Variants in CATSPERT observed in about 807,000 individuals in gnomAD.
CATSPERT encodes the protein catsper channel auxiliary subunit tau, also known as cation channel sperm-associated targeting subunit tau.
the CATSPERT span, among the ~76,000 whole-genome samples, chr2:201,519,756 A>C: frequency 6.6e-6 from 1 of 152,206 alleles, no homozygotes; most frequent in Non-Finnish European, 1.5e-5. Flanking sequence ...ACCAAGCAGA[A>C]TAAAAAATTT....
At chr2:201,567,953 G>A in the CATSPERT span, among the ~76,000 whole-genome samples, 1 of 152,138 alleles carries the variant, frequency 6.6e-6, no homozygotes, top group Admixed American at 6.6e-5. Context: ...CTCAAAACTG[G>A]CAGCTTTTTG....
the CATSPERT span, among the ~76,000 whole-genome samples, chr2:201,498,075 G>A: frequency 2.0e-5 from 3 of 152,280 alleles, no homozygotes; most frequent in Non-Finnish European, 4.4e-5. Context: ...TTCCAAGTCA[G>A]TGTATTAATC....
chr2:201,579,957 C>T, the CATSPERT span, among the ~76,000 whole-genome samples: 318 of 151,478 alleles, frequency 2.1e-3, no homozygotes, highest in African/African-American at 7.3e-3. Flanking sequence ...GCTCAATCGA[C>T]CCTTCTGCCT....
the CATSPERT span, among the ~76,000 whole-genome samples, chr2:201,504,187 C>T: frequency 6.6e-6 from 1 of 152,190 alleles, no homozygotes; most frequent in Admixed American, 6.5e-5. Flanking sequence ...TCGCCTCTGT[C>T]TGCTAAATTT....
At chr2:201,490,641 G>T in the CATSPERT span, among the ~76,000 whole-genome samples, 1 of 152,136 alleles carries the variant, frequency 6.6e-6, no homozygotes, top group African/African-American at 2.4e-5. Flanking sequence ...TTCATAAAAA[G>T]GTAGTAGGTG....
the CATSPERT span, among the ~76,000 whole-genome samples, chr2:201,579,304 A>G: frequency 1.3e-5 from 2 of 151,952 alleles, no homozygotes; most frequent in African/African-American, 4.8e-5. Context: ...CAGTGGTGCA[A>G]TCATGGCTCA....
At chr2:201,535,123 T>G in the CATSPERT span, 1 of 980,854 alleles carries the variant, frequency 1.0e-6, no homozygotes, top group Non-Finnish European at 1.2e-6. Context: ...AAGAATGTTA[T>G]TTGACATAGG....
chr2:201,618,972 G>GT, the CATSPERT span: 2 of 1,614,004 alleles, frequency 1.2e-6, no homozygotes, highest in Non-Finnish European at 1.7e-6. Context: ...GGTTCAGGGC[G>GT]TAAGGGACCG....
At chr2:201,579,541 C>T in the CATSPERT span, among the ~76,000 whole-genome samples, 62 of 152,284 alleles carry the variant, frequency 4.1e-4, 1 homozygote, top group South Asian at 6.2e-4. Context: ...CCCTCAGCCT[C>T]CCAAAGTCCT....
the CATSPERT span, among the ~76,000 whole-genome samples, chr2:201,527,698 C>A: frequency 6.6e-6 from 1 of 152,084 alleles, no homozygotes; most frequent in Non-Finnish European, 1.5e-5. Context: ...GGATAACTTG[C>A]TAGCCACATG....
At chr2:201,540,302 T>C in the CATSPERT span, among the ~76,000 whole-genome samples, 2 of 152,192 alleles carry the variant, frequency 1.3e-5, no homozygotes, top group Non-Finnish European at 2.9e-5. Context: ...CTACACTAAA[T>C]AGGTTTTTAT....
At chr2:201,562,670 C>T in the CATSPERT span, among the ~76,000 whole-genome samples, 6 of 145,592 alleles carry the variant, frequency 4.1e-5, no homozygotes, top group East Asian at 1.2e-3. Flanking sequence ...CAGCCTTCCG[C>T]AGCGTTTGTG....
At chr2:201,590,142 C>A in the CATSPERT span, among the ~76,000 whole-genome samples, 10 of 151,738 alleles carry the variant, frequency 6.6e-5, no homozygotes, top group African/African-American at 2.2e-4. Context: ...CTCCTCCCCC[C>A]ACCCCACAAC....
At chr2:201,563,931 C>T in the CATSPERT span, among the ~76,000 whole-genome samples, 1 of 152,192 alleles carries the variant, frequency 6.6e-6, no homozygotes, top group Non-Finnish European at 1.5e-5. Flanking sequence ...ATTTTTCCTT[C>T]AAGGCATTTA....
At chr2:201,569,533 C>T in the CATSPERT span, among the ~76,000 whole-genome samples, 1 of 152,178 alleles carries the variant, frequency 6.6e-6, no homozygotes, top group African/African-American at 2.4e-5. Flanking sequence ...CCAATTACTC[C>T]CATTGCATTT....
At chr2:201,571,127 CAT>C in the CATSPERT span, among the ~76,000 whole-genome samples, 1 of 152,302 alleles carries the variant, frequency 6.6e-6, no homozygotes, top group East Asian at 1.9e-4. Flanking sequence ...ATATAGCAGA[CAT>C]TCAATAAATG....
At chr2:201,617,302 G>A in the CATSPERT span, among the ~76,000 whole-genome samples, 53 of 152,152 alleles carry the variant, frequency 3.5e-4, 2 homozygotes, top group East Asian at 6.9e-3. Flanking sequence ...TTCTGACTTC[G>A]AACTATACTA....
the CATSPERT span, among the ~76,000 whole-genome samples, chr2:201,588,113 T>G: frequency 2.0e-5 from 3 of 151,982 alleles, no homozygotes; most frequent in African/African-American, 7.3e-5. Flanking sequence ...TCCCCAAAAT[T>G]GAGCAGAAGG....
the CATSPERT span, among the ~76,000 whole-genome samples, chr2:201,593,445 A>C: frequency 6.6e-6 from 1 of 150,952 alleles, no homozygotes; most frequent in African/African-American, 2.4e-5. Context: ...GTGCTGAAAA[A>C]AATGTATATT....
Sources: gnomAD v4.1 joint callset for allele counts (sites outside exome capture counted in the v4.1 genomes callset) on GRCh38, gnomAD v4.1.1 for gene constraint, MANE v1.5 for transcripts, NCBI Gene and HGNC (gene_info 2026-07-23, HGNC 2026-07-21) for gene names.